LHFPL6: variants seen among roughly 807,000 people sequenced by gnomAD.
LHFPL6 encodes LHFPL tetraspan subfamily member 6 protein.
Under a neutral mutation model 20.6 loss-of-function variants are expected in LHFPL6, and 9 were observed. The observed-to-expected ratio is 0.44, with a 90% confidence interval of 0.26 to 0.76. The LOEUF (loss-of-function observed/expected upper bound fraction) is 0.76. Among genes scored for constraint, LHFPL6 ranks in the 30% least tolerant of loss-of-function variants. The pLI, the probability that LHFPL6 is intolerant of heterozygous loss-of-function variation, is 0.20. For synonymous variants in LHFPL6, 105 were observed against 98.7 expected, an observed-to-expected ratio of 1.06 and a Z score of -0.38; for missense variants, 218 against 253.5, an observed-to-expected ratio of 0.86 and a Z score of 0.95.
rs540371366 is a variant in LHFPL6, at chr13:39,437,106, T to C, written c.386-58580A>G. 3.3e-5 allele frequency among the ~76,000 whole-genome samples: 5 copies of C among 152,380 alleles called. No individual in the cohort carries two copies. In the South Asian group the frequency reaches 1.0e-3, roughly 32 times the overall value. ...AGTGCTCAAAACATGTAAGCTGCTG[T>C]GCTTTTATAATCATATTATTAGTAT... is the stretch of plus-strand genomic sequence containing the variant. On this transcript the variant is annotated intron_variant, in intron 2 of 3. Transcript: ENST00000379589.
intron 2 of LHFPL6, among the ~76,000 whole-genome samples, chr13:39,423,414 A>G (rs990832327): frequency 2.0e-5 from 3 of 151,980 alleles, no homozygotes; most frequent in African/African-American, 7.2e-5. Flanking sequence ...TTGGGGAAAG[A>G]AAGGCTTCTT....
chr13:39,590,248 G>A (rs1872557629), intron 2 of LHFPL6, among the ~76,000 whole-genome samples: 1 of 152,080 alleles, frequency 6.6e-6, no homozygotes, highest in Non-Finnish European at 1.5e-5. Context: ...CAGGGTGCAG[G>A]ACCCAAATAA....
At chr13:39,479,311 CT>C (rs1438584240) in intron 2 of LHFPL6, among the ~76,000 whole-genome samples, 1 of 152,034 alleles carries the variant, frequency 6.6e-6, no homozygotes, top group Non-Finnish European at 1.5e-5. Flanking sequence ...CCAAAAACAC[CT>C]TTTGAGTACT....
Position 39,601,217 on chromosome 13 carries a change from C to G in LHFPL6, c.-1G>C. Reference sequence around the variant, plus strand: ...CAGTACAAGTCAGGCTGGATGCCATCTTTCACCAGATAGGGCAATGAGGAC... The same window carrying G: ...CAGTACAAGTCAGGCTGGATGCCATGTTTCACCAGATAGGGCAATGAGGAC... On this transcript the variant is annotated 5_prime_UTR_variant, in exon 2 of 4. Transcript: ENST00000379589. 2 of 1,604,956 alleles carry G rather than the reference C, an allele frequency of 1.2e-6. No homozygotes were observed. The highest frequency in any genetic ancestry group is 1.7e-6 in the Non-Finnish European group (2 of 1,174,602).
chr13:39,562,579 T>C (rs1407138167), intron 2 of LHFPL6, among the ~76,000 whole-genome samples: 2 of 131,450 alleles, frequency 1.5e-5, no homozygotes, highest in Admixed American at 7.9e-5. Flanking sequence ...CATACATATA[T>C]ACACATATAT....
chr13:39,563,133 CACA>C (rs1871598931), intron 2 of LHFPL6, among the ~76,000 whole-genome samples: 1 of 134,792 alleles, frequency 7.4e-6, no homozygotes, highest in African/African-American at 2.7e-5. Context: ...CACACACACA[CACA>C]CACAGCATCT....
chr13:39,435,858 G>C (rs1216751912), intron 2 of LHFPL6, among the ~76,000 whole-genome samples: 1 of 151,972 alleles, frequency 6.6e-6, no homozygotes, highest in African/African-American at 2.4e-5. Flanking sequence ...ATTGAAACAG[G>C]TCATATGCAT....
intron 3 of LHFPL6, among the ~76,000 whole-genome samples, chr13:39,378,157 A>G (rs1870342253): frequency 6.6e-6 from 1 of 152,218 alleles, no homozygotes; most frequent in South Asian, 2.1e-4. Context: ...CATGATTTTG[A>G]AAAATGAAGT....
chr13:39,462,397 G>A (rs551523393), intron 2 of LHFPL6, among the ~76,000 whole-genome samples: 58 of 152,278 alleles, frequency 3.8e-4, no homozygotes, highest in African/African-American at 1.3e-3. Context: ...AAAAATGTGT[G>A]TGTTACTGTA....
chr13:39,444,576 G>C (rs1872234840), intron 2 of LHFPL6, among the ~76,000 whole-genome samples: 1 of 152,132 alleles, frequency 6.6e-6, no homozygotes, highest in African/African-American at 2.4e-5. Context: ...TGGAATTCTG[G>C]TACAGCACCC....
At chr13:39,521,890 A>G (rs1870117933) in intron 2 of LHFPL6, among the ~76,000 whole-genome samples, 1 of 152,218 alleles carries the variant, frequency 6.6e-6, no homozygotes, top group Non-Finnish European at 1.5e-5. Flanking sequence ...ACCAGCCAAA[A>G]AGGAAAACCA....
At chr13:39,552,974 C>T (rs1570414) in intron 2 of LHFPL6, among the ~76,000 whole-genome samples, 133,065 of 151,608 alleles carry the variant, frequency 0.88, 58,649 homozygotes, top group African/African-American at 0.94. Context: ...ATTTGTTGTA[C>T]ACTTATTCTG....
intron 3 of LHFPL6, among the ~76,000 whole-genome samples, chr13:39,374,631 G>A (rs903899057): frequency 5.3e-5 from 8 of 152,242 alleles, no homozygotes; most frequent in African/African-American, 1.9e-4. Flanking sequence ...TCACAAAGCG[G>A]AAGATATTAT....
chr13:39,538,863 T>TTTTA (rs1177133502), intron 2 of LHFPL6, among the ~76,000 whole-genome samples: 2 of 152,230 alleles, frequency 1.3e-5, no homozygotes, highest in Non-Finnish European at 2.9e-5. Flanking sequence ...AATATCTTAA[T>TTTTA]ATAAAATGTG....
chr13:39,470,301 C>T (rs1872909760), intron 2 of LHFPL6, among the ~76,000 whole-genome samples: 1 of 152,132 alleles, frequency 6.6e-6, no homozygotes, highest in South Asian at 2.1e-4. Flanking sequence ...GTTAAGAAAG[C>T]TCTTGCCAAA....
At chr13:39,450,662 C>A (rs952063952) in intron 2 of LHFPL6, among the ~76,000 whole-genome samples, 1 of 152,096 alleles carries the variant, frequency 6.6e-6, no homozygotes, top group Admixed American at 6.5e-5. Context: ...TGGGTGGCTT[C>A]TTGATTTGAA....
intron 2 of LHFPL6, among the ~76,000 whole-genome samples, chr13:39,524,140 C>G (rs1870210368): frequency 6.6e-6 from 1 of 152,032 alleles, no homozygotes; most frequent in Non-Finnish European, 1.5e-5. Flanking sequence ...AAGAAAGGGG[C>G]TAAGGGACAT....
intron 3 of LHFPL6, among the ~76,000 whole-genome samples, chr13:39,351,369 C>T (rs559835400): frequency 6.6e-6 from 1 of 151,676 alleles, no homozygotes; most frequent in East Asian, 1.9e-4. Flanking sequence ...AAGTAACTTA[C>T]CCATTATCTC....
At chr13:39,582,211 G>T (rs1367710969) in intron 2 of LHFPL6, among the ~76,000 whole-genome samples, 1 of 152,216 alleles carries the variant, frequency 6.6e-6, no homozygotes, top group East Asian at 1.9e-4. Flanking sequence ...AGCTGCTACT[G>T]ATGCATAATC....
Sources: allele counts gnomAD v4.1 joint callset (sites outside exome capture counted in the v4.1 genomes callset), GRCh38; gene constraint gnomAD v4.1.1; transcripts MANE v1.5; gene names NCBI Gene and HGNC (gene_info 2026-07-23, HGNC 2026-07-21).